The following CAMTA1 variants were observed in gnomAD, a reference collection of about 807,000 sequenced individuals.
CAMTA1 encodes calmodulin-binding transcription activator 1.
In CAMTA1, 27 loss-of-function variants were observed where a neutral mutation model predicts 170.9. The ratio of observed to expected loss-of-function variants is 0.16; its 90% CI spans 0.12 to 0.22. The LOEUF is 0.22. CAMTA1 is among the 10% of genes least tolerant of loss of function. The pLI, the probability that CAMTA1 is intolerant of heterozygous loss-of-function variation, is 1.00. For synonymous variants in CAMTA1, 833 were observed against 891.5 expected (o/e 0.93, Z 1.17); for missense variants, 1,619 against 2,217.2 (o/e 0.73, Z 5.42).
At position 7,635,948 on chromosome 1, in the gene CAMTA1, G is replaced by T. The variant is rs558430440; in HGVS notation, c.511-4452G>T. 3.9e-5 allele frequency among the ~76,000 whole-genome samples: 6 copies of T among 152,128 alleles called. No homozygotes were observed. Among genetic ancestry groups the T allele is most frequent in the Non-Finnish European group, 8.8e-5 (6 of 68,010 alleles). ...GCCCATGTCTGAAAACCAGCCCCACGCCAGGAAATCGTTACTACTCAACTC... is the reference window on the plus strand; with the variant it reads ...GCCCATGTCTGAAAACCAGCCCCACTCCAGGAAATCGTTACTACTCAACTC... On this transcript the variant is annotated intron_variant, in intron 6 of 22. Transcript: ENST00000303635. This position sits in a 1 kb window ranked among gnomAD's most constrained non-coding sequence, Gnocchi z 4.4.
chr1:7,264,515 A>G (rs541604871), intron 5 of CAMTA1, among the ~76,000 whole-genome samples: 1 of 151,598 alleles, frequency 6.6e-6, no homozygotes, highest in Non-Finnish European at 1.5e-5. Context: ...ACGTGTGTAG[A>G]GCACTCGGTG....
At chr1:7,107,551 T>C (rs577738368) in intron 4 of CAMTA1, among the ~76,000 whole-genome samples, 3 of 152,198 alleles carry the variant, frequency 2.0e-5, no homozygotes, top group African/African-American at 7.2e-5. Context: ...ATGAGAAGAC[T>C]CTGGAGGCCA....
chr1:7,040,852 A>G (rs1006254237), intron 3 of CAMTA1, among the ~76,000 whole-genome samples: 6 of 146,528 alleles, frequency 4.1e-5, no homozygotes, highest in Non-Finnish European at 8.9e-5. Flanking sequence ...CAGCCTCTCG[A>G]GTAGCTGGGA....
chr1:7,370,931 A>ATTTTTTTTTTTTT (rs2086402729), intron 5 of CAMTA1, among the ~76,000 whole-genome samples: 1 of 113,594 alleles, frequency 8.8e-6, no homozygotes, highest in African/African-American at 3.7e-5. Flanking sequence ...TTTTTTTTTG[A>ATTTTTTTTTTTTT]GACGGAGTCT....
intron 3 of CAMTA1, among the ~76,000 whole-genome samples, chr1:6,950,611 G>C (rs1325790108): frequency 6.6e-6 from 1 of 152,166 alleles, no homozygotes; most frequent in East Asian, 1.9e-4. Context: ...GTGCCAGAGA[G>C]AATGTGGAGT....
At chr1:7,473,736 C>T (rs541716725) in intron 6 of CAMTA1, among the ~76,000 whole-genome samples, 4 of 152,370 alleles carry the variant, frequency 2.6e-5, no homozygotes, top group South Asian at 2.1e-4. Flanking sequence ...GAGAGTAGGC[C>T]GTGAGCCCTC....
At chr1:7,059,810 T>C (rs1707932822) in intron 3 of CAMTA1, among the ~76,000 whole-genome samples, 1 of 152,194 alleles carries the variant, frequency 6.6e-6, no homozygotes, top group South Asian at 2.1e-4. Context: ...TTGAACTTTT[T>C]ATTGTGTTGG....
chr1:6,785,572 G>C lies in CAMTA1; in HGVS notation c.42G>C (p.Arg14=). Reference sequence around the variant, plus strand: ...GGAAATGGCTGCCGAAAACAAGCCGGAAGGTAAGAGCCGGAGCGCGAGGGG... The same window carrying C: ...GGAAATGGCTGCCGAAAACAAGCCGCAAGGTAAGAGCCGGAGCGCGAGGGG... The part of the protein sequence containing the change: ...AEGKWLPKTS[R]KSVSQSVFCG... The change falls in exon 1 of 23, where the codon CGG becomes CGC. Residue 14 remains arginine, a synonymous_variant. Transcript: ENST00000303635. The C allele has an allele frequency of 3.7e-6, 4 of 1,071,080 alleles. No homozygotes were observed. Among genetic ancestry groups the C allele is most frequent in the Non-Finnish European group, 4.6e-6 (4 of 868,588 alleles). 66.3% of individuals were successfully genotyped at this position (1,071,080 alleles called of 1,614,324 possible).
intron 5 of CAMTA1, among the ~76,000 whole-genome samples, chr1:7,250,575 C>G (rs1403365877): frequency 6.6e-6 from 1 of 152,210 alleles, no homozygotes; most frequent in African/African-American, 2.4e-5. Context: ...CATAAACCCA[C>G]TTGAATTCAA....
At chr1:6,821,073 A>G (rs1354805175) in intron 2 of CAMTA1, among the ~76,000 whole-genome samples, 1 of 152,242 alleles carries the variant, frequency 6.6e-6, no homozygotes, top group East Asian at 1.9e-4. Context: ...AATCTGGGCT[A>G]CCTAAAAATA....
intron 22 of CAMTA1, among the ~76,000 whole-genome samples, chr1:7,764,823 G>T (rs987351352): frequency 1.3e-5 from 2 of 152,064 alleles, no homozygotes; most frequent in African/African-American, 2.4e-5. Flanking sequence ...AGCTAGGCGT[G>T]GTGGTGCGTG....
intron 7 of CAMTA1, among the ~76,000 whole-genome samples, chr1:7,653,120 A>T (rs1207615676): frequency 6.6e-6 from 1 of 152,192 alleles, no homozygotes; most frequent in South Asian, 2.1e-4. Context: ...GGGGCCTGAG[A>T]ATGTGCGTTT....
chr1:7,180,459 C>G (rs1469116293), intron 4 of CAMTA1, among the ~76,000 whole-genome samples: 1 of 149,740 alleles, frequency 6.7e-6, no homozygotes, highest in Non-Finnish European at 1.5e-5. Flanking sequence ...AAACCAATTT[C>G]CATAAAAGAT....
intron 6 of CAMTA1, among the ~76,000 whole-genome samples, chr1:7,506,095 C>T (rs1347336191): frequency 6.6e-6 from 1 of 152,176 alleles, no homozygotes; most frequent in African/African-American, 2.4e-5. Context: ...AGGAGGAAGC[C>T]GGCCAGAGGC....
intron 3 of CAMTA1, among the ~76,000 whole-genome samples, chr1:6,872,711 A>G (rs1314929968): frequency 6.6e-6 from 1 of 152,224 alleles, no homozygotes; most frequent in Non-Finnish European, 1.5e-5. Context: ...CAAAACCGAA[A>G]GACAGAAACC....
At chr1:6,913,319 C>T (rs1680106779) in intron 3 of CAMTA1, among the ~76,000 whole-genome samples, 1 of 152,160 alleles carries the variant, frequency 6.6e-6, no homozygotes, top group African/African-American at 2.4e-5. Context: ...GCCACATGGC[C>T]AGACTGTTTC....
At chr1:7,196,929 T>A (rs1042842995) in intron 4 of CAMTA1, among the ~76,000 whole-genome samples, 21 of 152,212 alleles carry the variant, frequency 1.4e-4, no homozygotes, top group African/African-American at 5.1e-4. Context: ...CCTTGCAAAG[T>A]CTGTAACAAA....
intron 5 of CAMTA1, among the ~76,000 whole-genome samples, chr1:7,352,182 C>CG (rs1446973282): frequency 1.4e-5 from 2 of 142,850 alleles, no homozygotes; most frequent in East Asian, 2.0e-4. Flanking sequence ...AGGAAGTGGG[C>CG]GGGGGGAAGA....
At position 7,182,905 on chromosome 1, in the gene CAMTA1, C is replaced by T. The variant is rs1652504066; in HGVS notation, c.303-66586C>T. On this transcript the variant is annotated intron_variant, in intron 4 of 22. Transcript: ENST00000303635. ...TGTCATTTTTAATCTGTCAGATTGG[C>T]AAACATGAAAAAGCAAGGCTGTGAA... Among the ~76,000 whole-genome samples the T allele has an allele frequency of 2.6e-5, 4 of 152,252 alleles. No individual in the cohort carries two copies. In the South Asian group the frequency reaches 8.3e-4, roughly 32 times the overall value.
Sources: gnomAD v4.1 joint callset for allele counts (sites outside exome capture counted in the v4.1 genomes callset) on GRCh38, gnomAD v4.1.1 for gene constraint, Gnocchi (gnomAD v3.1) non-coding constraint, MANE v1.5 for transcripts, NCBI Gene and HGNC (gene_info 2026-07-23, HGNC 2026-07-21) for gene names.